The following SEMA5A variants were observed in gnomAD, a reference collection of about 807,000 sequenced individuals.
The protein encoded by SEMA5A is semaphorin-5A.
SEMA5A carries 55 observed loss-of-function variants against 135.5 expected under a neutral mutation model. That is an observed-to-expected ratio of 0.41 (90% confidence interval 0.33 to 0.51). SEMA5A has a LOEUF of 0.51. SEMA5A is among the 20% of genes least tolerant of loss of function. SEMA5A has a pLI of 0.37. For missense variants in SEMA5A, 1,290 were observed against 1,419.9 expected, an observed-to-expected ratio of 0.91 and a Z score of 1.47; for synonymous variants, 580 against 546.5, an observed-to-expected ratio of 1.06 and a Z score of -0.85.
rs558481368 is a variant in SEMA5A at position 9,233,866 on chromosome 5, A to G, written c.333+3962T>C. ...CCATGCATGCATTCCAGCTCAGCTC[A>G]GCAGCTAAATGCATTATGTGCAGAA... On this transcript the variant is annotated intron_variant, in intron 6 of 22. Transcript: ENST00000382496. Among the ~76,000 whole-genome samples the G allele has an allele frequency of 2.4e-4, 37 of 152,284 alleles. No homozygotes were observed. The South Asian group carries it at 7.7e-3, about 32-fold the overall frequency.
In SEMA5A at chr5:9,338,118, A is replaced by T. The variant is rs571646166; in HGVS notation, c.125-306T>A. Among the ~76,000 whole-genome samples, 97 of 152,348 alleles carry T rather than the reference A, an allele frequency of 6.4e-4. 1 individual carries two copies. The highest frequency in any genetic ancestry group is 2.2e-3 in the African/African-American group (92 of 41,576). On this transcript the variant is annotated intron_variant, in intron 3 of 22. Coordinates refer to ENST00000382496, the MANE Select transcript of SEMA5A (RefSeq NM_003966.3). ...TGGGCTGGGCAGAAAATAACACAGC[A>T]TTCACATGATTCATCAGAGGAATAC...
At chr5:9,206,971 C>A (rs1746055469) in intron 8 of SEMA5A, among the ~76,000 whole-genome samples, 1 of 147,848 alleles carries the variant, frequency 6.8e-6, no homozygotes, top group South Asian at 2.1e-4. Flanking sequence ...ATTTTCCAGC[C>A]TGACTTTGGC....
chr5:9,272,742 C>T (rs1189042850), intron 5 of SEMA5A, among the ~76,000 whole-genome samples: 4 of 152,094 alleles, frequency 2.6e-5, no homozygotes, highest in African/African-American at 9.7e-5. Context: ...GGACCTCCAG[C>T]AAACTCCAAC....
intron 5 of SEMA5A, among the ~76,000 whole-genome samples, chr5:9,277,836 C>A (rs1341214618): frequency 6.6e-6 from 1 of 151,992 alleles, no homozygotes; most frequent in Non-Finnish European, 1.5e-5. Flanking sequence ...GGAGGGATAG[C>A]ATTAGGAGAA....
At chr5:9,286,276 G>C (rs7713135) in intron 5 of SEMA5A, among the ~76,000 whole-genome samples, 106,294 of 151,996 alleles carry the variant, frequency 0.7, 37,972 homozygotes, top group South Asian at 0.82. Flanking sequence ...ATTATATATA[G>C]TTGGGTTACT....
chr5:9,239,033 C>T (rs1748063086), intron 5 of SEMA5A, among the ~76,000 whole-genome samples: 2 of 152,068 alleles, frequency 1.3e-5, no homozygotes, highest in Admixed American at 1.3e-4. Flanking sequence ...GGGAGAATAA[C>T]AAAGTCAGGC....
At chr5:9,522,243 C>A (rs141441209) in intron 1 of SEMA5A, among the ~76,000 whole-genome samples, 13 of 152,100 alleles carry the variant, frequency 8.5e-5, no homozygotes, top group South Asian at 2.1e-4. Context: ...CCTGCACGTA[C>A]GAGACAGAGA....
chr5:9,288,452 C>T (rs1750910299), intron 5 of SEMA5A, among the ~76,000 whole-genome samples: 1 of 152,276 alleles, frequency 6.6e-6, no homozygotes, highest in East Asian at 1.9e-4. Flanking sequence ...TTTTCCATGG[C>T]CCTATCCAGC....
chr5:9,221,564 A>G (rs867241829), intron 8 of SEMA5A, among the ~76,000 whole-genome samples: 2 of 152,012 alleles, frequency 1.3e-5, no homozygotes, highest in African/African-American at 4.8e-5. Context: ...GGCCTCCCAA[A>G]GTGCTGGGAT....
intron 1 of SEMA5A, among the ~76,000 whole-genome samples, chr5:9,543,381 C>G (rs567966790): frequency 2.6e-5 from 4 of 152,140 alleles, no homozygotes; most frequent in Non-Finnish European, 5.9e-5. Flanking sequence ...TTTCATTCTC[C>G]CAAGACACGT....
At chr5:9,184,367 T>C (rs1447499875) in intron 11 of SEMA5A, among the ~76,000 whole-genome samples, 2 of 152,162 alleles carry the variant, frequency 1.3e-5, no homozygotes, top group African/African-American at 2.4e-5. Flanking sequence ...AAATACAGTA[T>C]GCTTTGAAAT....
chr5:9,203,301 A>G (rs1226904326), intron 8 of SEMA5A, among the ~76,000 whole-genome samples: 1 of 152,264 alleles, frequency 6.6e-6, no homozygotes, highest in Non-Finnish European at 1.5e-5. Flanking sequence ...TAATGGAAAG[A>G]TACAGACAAC....
chr5:9,117,771 T>G (rs1417642076), intron 15 of SEMA5A, among the ~76,000 whole-genome samples: 1 of 152,226 alleles, frequency 6.6e-6, no homozygotes, highest in African/African-American at 2.4e-5. Flanking sequence ...CCAACCAATT[T>G]AAAATTGTAC....
chr5:9,304,169 C>T (rs1281257460), intron 5 of SEMA5A, among the ~76,000 whole-genome samples: 3 of 151,976 alleles, frequency 2.0e-5, no homozygotes, highest in Non-Finnish European at 4.4e-5. Flanking sequence ...TCTTGTATAC[C>T]TATTTATCTT....
chr5:9,174,650 G>C (rs1009486850), intron 11 of SEMA5A, among the ~76,000 whole-genome samples: 2 of 152,098 alleles, frequency 1.3e-5, no homozygotes, highest in African/African-American at 4.8e-5. Flanking sequence ...TGCCAGGCAG[G>C]GGCCATCTAT....
chr5:9,197,727 T>TG (rs1745473789), intron 9 of SEMA5A, among the ~76,000 whole-genome samples: 4 of 76,062 alleles, frequency 5.3e-5, no homozygotes, highest in Admixed American at 2.0e-4. Flanking sequence ...GGGAAAGCTG[T>TG]TTGTGTGTGT....
At chr5:9,267,219 C>T (rs1805919) in intron 5 of SEMA5A, among the ~76,000 whole-genome samples, 60,304 of 151,880 alleles carry the variant, frequency 0.4, 12,238 homozygotes, top group East Asian at 0.48. Flanking sequence ...AGAATTTCAG[C>T]TGAGAAGCCC....
At chr5:9,482,555 C>T (rs1483444554) in intron 1 of SEMA5A, among the ~76,000 whole-genome samples, 1 of 152,134 alleles carries the variant, frequency 6.6e-6, no homozygotes, top group African/African-American at 2.4e-5. Context: ...CTGGGGATGC[C>T]CAGTGGTGTG....
At chr5:9,316,426 G>A (rs143650815) in intron 5 of SEMA5A, among the ~76,000 whole-genome samples, 7 of 152,078 alleles carry the variant, frequency 4.6e-5, no homozygotes, top group African/African-American at 9.7e-5. Context: ...CTCAGCTGAC[G>A]GAGCTAGCAA....
Sources: gnomAD v4.1 joint callset for allele counts (sites outside exome capture counted in the v4.1 genomes callset) on GRCh38, gnomAD v4.1.1 for gene constraint, MANE v1.5 for transcripts, NCBI Gene and HGNC (gene_info 2026-07-23, HGNC 2026-07-21) for gene names.